NEK4: variants seen among roughly 807,000 people sequenced by gnomAD.
NEK4 encodes the protein serine/threonine-protein kinase Nek4.
In NEK4, 86 loss-of-function variants were observed where a neutral mutation model predicts 98.4. The ratio of observed to expected loss-of-function variants is 0.87; its 90% CI spans 0.73 to 1.05. NEK4 has a LOEUF of 1.05. Ranked by LOEUF, NEK4 falls within the 50% of genes least tolerant of loss-of-function variation. NEK4 has a pLI of 0.00. For missense variants in NEK4, 898 were observed against 950.3 expected (o/e 0.94, Z 0.72); for synonymous variants, 328 against 342.2 (o/e 0.96, Z 0.46).
rs1350477564 is a variant in NEK4, at chr3:52,711,179, AGAT to A, written c.*595_*597del. 1.3e-5 allele frequency: 2 copies of A among 152,454 alleles called. No individual in the cohort carries two copies. The highest frequency in any genetic ancestry group is 4.8e-5 in the African/African-American group (2 of 41,460). The allele number at this position is 152,454 out of a possible 1,614,324, so 9.4% of individuals were successfully genotyped here. ...CTCAGTTTTAATTTGTATATACCCTAGATGAGGTTTATATTAAATGAGAATAAA... is the reference window on the plus strand; with the variant it reads ...CTCAGTTTTAATTTGTATATACCCTAGAGGTTTATATTAAATGAGAATAAA... On this transcript the variant is annotated 3_prime_UTR_variant, in exon 16 of 16. Coordinates refer to ENST00000233027, the MANE Select transcript of NEK4 (RefSeq NM_003157.6).
chr3:52,729,102 G>A (rs1013232636), intron 15 of NEK4, among the ~76,000 whole-genome samples: 8 of 152,108 alleles, frequency 5.3e-5, no homozygotes, highest in African/African-American at 1.9e-4. Flanking sequence ...TATTTGTTCT[G>A]CCTTTTGCCC....
At chr3:52,729,744 CA>C (rs563723629) in intron 15 of NEK4, among the ~76,000 whole-genome samples, 7,696 of 93,312 alleles carry the variant, frequency 0.082, 398 homozygotes, top group African/African-American at 0.19. Context: ...CTTGACTAGC[CA>C]AAAAAAAAAA....
At chr3:52,759,699 A>G (rs1698283571) in intron 6 of NEK4, among the ~76,000 whole-genome samples, 1 of 152,194 alleles carries the variant, frequency 6.6e-6, no homozygotes, top group Non-Finnish European at 1.5e-5. Flanking sequence ...ACCAAAAAAA[A>G]AGTCAAACCA....
chr3:52,746,651 G>A, intron 9 of NEK4, 83 bp downstream of exon 9: 22 of 1,217,330 alleles, frequency 1.8e-5, no homozygotes, highest in Non-Finnish European at 2.6e-5. Flanking sequence ...TTTCTTACAT[G>A]CCTTTTTGGC....
intron 15 of NEK4, among the ~76,000 whole-genome samples, chr3:52,719,003 C>T (rs958779874): frequency 3.3e-5 from 5 of 152,148 alleles, no homozygotes; most frequent in Admixed American, 2.6e-4. Context: ...GTGATCTGCC[C>T]GCCTTGGCTT....
At chr3:52,753,540 G>T in intron 6 of NEK4, 1 of 513,014 alleles carries the variant, frequency 1.9e-6, no homozygotes, top group South Asian at 1.5e-5. Context: ...ACTCTTTCTG[G>T]AGCATGTCTA....
chr3:52,765,964 A>G lies in NEK4; in HGVS notation c.589T>C (p.Tyr197His). The change falls in exon 4 of 16, where the codon TAT becomes CAT. Residue 197 changes from tyrosine to histidine, a missense_variant. Transcript: ENST00000233027. ...GCATGCTTCAAGGTGGCCATTTCAT[A>G]GACACAGCATCCTAGAGCCCAAACA... is the stretch of plus-strand genomic sequence containing the variant. Reference protein sequence around the residue: ...SDVWALGCCVYEMATLKHAFN... With the variant: ...SDVWALGCCVHEMATLKHAFN... The G allele has an allele frequency of 3.7e-6, 6 of 1,612,228 alleles. No homozygotes were observed. Among genetic ancestry groups the G allele is most frequent in the Non-Finnish European group, 5.1e-6 (6 of 1,178,256 alleles).
At position 52,709,862 on chromosome 3, in the gene NEK4, C is replaced by T. The variant is rs948476424; in HGVS notation, c.*1915G>A. On this transcript the variant is annotated 3_prime_UTR_variant, in exon 16 of 16. Transcript: ENST00000233027. ...CGGAAAGGTGAATAGCTCAAGGATA[C>T]CAAGTTTGCCAAAGATTTGTTCCCA... The T allele has an allele frequency of 1.3e-5, 2 of 152,068 alleles. No individual in the cohort carries two copies. The highest frequency in any genetic ancestry group is 2.9e-5 in the Non-Finnish European group (2 of 68,016). The allele number at this position is 152,068 out of a possible 1,614,324, so 9.4% of individuals were successfully genotyped here. A position where few individuals can be genotyped will look rare whatever the true frequency, so the allele number is the denominator to read the frequency against.
In NEK4 at chr3:52,770,755, C is replaced by T. The variant is rs754093281; in HGVS notation, c.-9G>A. ...TAGGCGGCCAGGGGCATGTTCCCAGCGCTGGCCCAGAGTCGGGATGCGGCG... is the reference window on the plus strand; with the variant it reads ...TAGGCGGCCAGGGGCATGTTCCCAGTGCTGGCCCAGAGTCGGGATGCGGCG... On this transcript the variant is annotated 5_prime_UTR_variant, in exon 1 of 16. Coordinates refer to ENST00000233027, the MANE Select transcript of NEK4 (RefSeq NM_003157.6). The T allele has an allele frequency of 5.8e-6, 9 of 1,557,268 alleles. No individual in the cohort carries two copies. The South Asian group carries it at 1.1e-4, about 18-fold the overall frequency.
intron 15 of NEK4, among the ~76,000 whole-genome samples, chr3:52,715,207 G>A (rs987461518): frequency 1.5e-4 from 23 of 152,174 alleles, no homozygotes; most frequent in Admixed American, 4.6e-4. Flanking sequence ...ACTTCCTGCC[G>A]TTTAAGTCCC....
chr3:52,765,039 T>C (rs998157199), intron 4 of NEK4, among the ~76,000 whole-genome samples: 2 of 152,154 alleles, frequency 1.3e-5, no homozygotes, highest in Non-Finnish European at 2.9e-5. Context: ...CAATAGATGA[T>C]TTATGGCCTT....
chr3:52,712,551 A>T (rs1448072324), intron 15 of NEK4, among the ~76,000 whole-genome samples: 1 of 152,220 alleles, frequency 6.6e-6, no homozygotes, highest in African/African-American at 2.4e-5. Flanking sequence ...TTTGTATCCC[A>T]GGGTTCTTGC....
At chr3:52,726,968 CTTTT>C (rs35173917) in intron 15 of NEK4, among the ~76,000 whole-genome samples, 2 of 124,392 alleles carry the variant, frequency 1.6e-5, no homozygotes, top group Admixed American at 8.7e-5. Flanking sequence ...GCATCTAAAA[CTTTT>C]TTTTTTTTTT....
At chr3:52,755,391 T>G (rs1246333479) in intron 6 of NEK4, among the ~76,000 whole-genome samples, 1 of 151,930 alleles carries the variant, frequency 6.6e-6, no homozygotes, top group Non-Finnish European at 1.5e-5. Context: ...ATGCTTCATA[T>G]GTACTATTAG....
chr3:52,768,989 G>A (rs143389291), intron 1 of NEK4, among the ~76,000 whole-genome samples: 82 of 152,250 alleles, frequency 5.4e-4, no homozygotes, highest in African/African-American at 1.8e-3. Context: ...GGAGGGTGAG[G>A]CGGGTGGATC....
At chr3:52,744,432 T>A (rs2097392242) in intron 10 of NEK4, 127 bp from the exon 11 acceptor site, 2 of 763,682 alleles carry the variant, frequency 2.6e-6, no homozygotes, top group Non-Finnish European at 4.6e-6. Flanking sequence ...ACACTTGTAA[T>A]CCCAGCACTC....
intron 5 of NEK4, 96 bp from the exon 6 acceptor site, chr3:52,761,032 T>C: frequency 1.3e-6 from 1 of 761,610 alleles, no homozygotes; most frequent in Non-Finnish European, 2.1e-6. Flanking sequence ...TGAATTCCCT[T>C]ACAGAACTGC....
At chr3:52,744,738 C>T (rs1457860771) in intron 10 of NEK4, among the ~76,000 whole-genome samples, 1 of 146,072 alleles carries the variant, frequency 6.8e-6, no homozygotes, top group African/African-American at 2.6e-5. Flanking sequence ...CACAGCAAGA[C>T]CAAAAAAAAA....
intron 1 of NEK4, among the ~76,000 whole-genome samples, chr3:52,770,383 C>T (rs550212577): frequency 6.6e-6 from 1 of 150,474 alleles, no homozygotes; most frequent in East Asian, 2.0e-4. Flanking sequence ...AGTAGATAGG[C>T]AGAGACTGAA....
Sources: gnomAD v4.1 joint callset for allele counts (sites outside exome capture counted in the v4.1 genomes callset) on GRCh38, gnomAD v4.1.1 for gene constraint, MANE v1.5 for transcripts, NCBI Gene and HGNC (gene_info 2026-07-23, HGNC 2026-07-21) for gene names.